Variants in CMYA5 observed in about 807,000 individuals in gnomAD.
CMYA5 encodes the protein cardiomyopathy-associated protein 5.
Under a neutral mutation model 318.9 loss-of-function variants are expected in CMYA5, and 246 were observed. That is an observed-to-expected ratio of 0.77 (90% CI 0.70 to 0.86). The LOEUF (loss-of-function observed/expected upper bound fraction) is 0.86. Among genes scored for constraint, CMYA5 ranks in the 40% least tolerant of loss-of-function variants. The pLI is 0.00. For synonymous variants in CMYA5, 1,641 were observed against 1,729.5 expected, an observed-to-expected ratio of 0.95 and a Z score of 1.27; for missense variants, 4,589 against 4,678.2, an observed-to-expected ratio of 0.98 and a Z score of 0.56.
At chr5:79,749,386 T>C (rs777201326) in intron 5 of CMYA5, among the ~76,000 whole-genome samples, 1 of 152,258 alleles carries the variant, frequency 6.6e-6, no homozygotes, top group Non-Finnish European at 1.5e-5. Context: ...CTCAATGTTA[T>C]TGATGTTCCT....
At chr5:79,718,897 C>T (rs1205739405) in intron 1 of CMYA5, among the ~76,000 whole-genome samples, 4 of 152,136 alleles carry the variant, frequency 2.6e-5, no homozygotes, top group Non-Finnish European at 4.4e-5. Context: ...AGCCTAGGAG[C>T]AATAGGCTAT....
chr5:79,739,181 A>G lies in CMYA5; in HGVS notation c.10416A>G (p.Gln3472=). 1 of 1,613,606 alleles carries G rather than the reference A, an allele frequency of 6.2e-7. No homozygotes were observed. ...ATGAATTTGCGAGTGAGGCAGAACA[A>G]AGTACACCTGCTGAACAAAAAGAGT... ...SENEFASEAE[Q]STPAEQKELG... The change falls in exon 2 of 13, where the codon CAA becomes CAG. Residue 3472 remains glutamine, a synonymous_variant. Transcript: ENST00000446378.
rs1171466191 is a variant in CMYA5, at chr5:79,761,954, A to G, written c.11404A>G (p.Thr3802Ala). The change falls in exon 8 of 13, where the codon ACA becomes GCA. Residue 3802 changes from threonine (T) to alanine (A), a missense_variant. By Grantham distance (58) the Thr-to-Ala change is moderately conservative. Coordinates refer to ENST00000446378, the MANE Select transcript of CMYA5 (RefSeq NM_153610.5). The stretch of plus-strand genomic sequence containing the variant: ...GCCCAGTGAAAGGGCCATCTTTAGG[A>G]CAGGTAAGGAGATGGATGCTAAGGG... The part of the protein sequence containing the change: ...SLPSERAIFR[T>A]APSTPVIRAE... 2 of 1,612,520 alleles carry G rather than the reference A, an allele frequency of 1.2e-6. No homozygotes were observed. Among genetic ancestry groups the G allele is most frequent in the South Asian group, 1.1e-5 (1 of 90,622 alleles).
At chr5:79,695,258 T>A (rs1275673135) in intron 1 of CMYA5, among the ~76,000 whole-genome samples, 1 of 152,204 alleles carries the variant, frequency 6.6e-6, no homozygotes, top group African/African-American at 2.4e-5. Flanking sequence ...TAGCCCAGCA[T>A]TATCCTATAG....
intron 10 of CMYA5, 58 bp from the exon 11 acceptor site, chr5:79,790,912 T>G: frequency 8.6e-7 from 1 of 1,164,282 alleles, no homozygotes; most frequent in Non-Finnish European, 1.3e-6. Context: ...GGGCTTAGCC[T>G]AGGGACAGCA....
rs1016464493 is a variant in CMYA5 at position 79,713,200 on chromosome 5, A to G, written c.150-15715A>G. Among the ~76,000 whole-genome samples, 14 of 152,192 alleles carry G rather than the reference A, an allele frequency of 9.2e-5. No individual in the cohort carries two copies. In the East Asian group the frequency reaches 2.5e-3, roughly 27 times the overall value. ...TCTGAAGACATTTTTTATTGTCACA[A>G]CCTGGGATGGGGTACTAATGGCATC... On this transcript the variant is annotated intron_variant, in intron 1 of 12. Transcript: ENST00000446378.
Position 79,745,266 on chromosome 5 carries a change from G to A in CMYA5, c.10779G>A (p.Glu3593=), listed in dbSNP as rs1301400801. The change falls in exon 4 of 13, where the codon GAG becomes GAA. Residue 3593 remains glutamate, a synonymous_variant. Coordinates refer to ENST00000446378, the MANE Select transcript of CMYA5 (RefSeq NM_153610.5). ...AGAAAAGGCTAGAAGAACAGAATGA[G>A]GAAATGATGAAGAAGGTTTTAGCAC... The part of the protein sequence containing the change: ...KNEKRLEEQN[E]EMMKKVLAQY... 2.5e-6 allele frequency: 4 copies of A among 1,608,346 alleles called. No homozygotes were observed. The highest frequency in any genetic ancestry group is 1.7e-6 in the Non-Finnish European group (2 of 1,177,014).
At chr5:79,747,241 C>G (rs1828347523) in intron 5 of CMYA5, 128 bp downstream of exon 5, 3 of 765,412 alleles carry the variant, frequency 3.9e-6, no homozygotes, top group Non-Finnish European at 5.9e-6. Context: ...AGTATTTTCA[C>G]TTTTAGACAC....
Position 79,732,728 on chromosome 5 carries a change from A to G in CMYA5, c.3963A>G (p.Ser1321=). The part of the protein sequence containing the change: ...TTPIVLHSAS[S]GVEKQVEHGP... The stretch of plus-strand genomic sequence containing the variant: ...CTATAGTGCTTCATTCAGCTTCCTC[A>G]GGAGTGGAAAAGCAAGTTGAACATG... Residue 1321 remains serine, a synonymous_variant, in exon 2 of 13, where the codon TCA becomes TCG. Transcript: ENST00000446378. 6.2e-7 allele frequency: 1 copy of G among 1,613,706 alleles called. No homozygotes were observed. The highest frequency in any genetic ancestry group is 8.5e-7 in the Non-Finnish European group (1 of 1,179,792).
intron 1 of CMYA5, among the ~76,000 whole-genome samples, chr5:79,693,565 C>G (rs1162086268): frequency 6.6e-6 from 1 of 152,116 alleles, no homozygotes; most frequent in African/African-American, 2.4e-5. Flanking sequence ...TGGTCTTGAA[C>G]TCCTTGGCCC....
At chr5:79,713,962 G>C (rs1827463179) in intron 1 of CMYA5, among the ~76,000 whole-genome samples, 1 of 151,986 alleles carries the variant, frequency 6.6e-6, no homozygotes, top group South Asian at 2.1e-4. Flanking sequence ...AAGTTATCTT[G>C]GCTGTTAATA....
chr5:79,775,581 C>CT (rs1028347640), intron 9 of CMYA5, among the ~76,000 whole-genome samples: 12 of 152,186 alleles, frequency 7.9e-5, no homozygotes, highest in African/African-American at 2.4e-4. Flanking sequence ...TAACTCATCT[C>CT]TTTTTTTAAA....
intron 3 of CMYA5, among the ~76,000 whole-genome samples, chr5:79,744,467 T>A (rs1255473247): frequency 1.3e-5 from 2 of 152,106 alleles, no homozygotes; most frequent in East Asian, 3.9e-4. Context: ...GCTCCATCCT[T>A]ATACAGAGAT....
At chr5:79,726,998 C>G (rs1265314736) in intron 1 of CMYA5, among the ~76,000 whole-genome samples, 1 of 147,742 alleles carries the variant, frequency 6.8e-6, no homozygotes, top group Non-Finnish European at 1.5e-5. Context: ...TCACTGCAAC[C>G]TCCGCCTCCT....
chr5:79,797,794 A>G (rs1411126700), intron 12 of CMYA5, among the ~76,000 whole-genome samples: 1 of 152,144 alleles, frequency 6.6e-6, no homozygotes, highest in Non-Finnish European at 1.5e-5. Flanking sequence ...GTCCAAACCC[A>G]AGAGGCCAAT....
rs1462624471 is a variant in CMYA5 at position 79,689,853 on chromosome 5, C to T, written c.-55C>T. 3.1e-6 allele frequency: 2 copies of T among 635,990 alleles called. No individual in the cohort carries two copies. The highest frequency in any genetic ancestry group is 3.9e-5 in the African/African-American group (2 of 51,498). The allele number at this position is 635,990 out of a possible 1,614,324, so 39.4% of individuals were successfully genotyped here. A position where few individuals can be genotyped will look rare whatever the true frequency, so the allele number is the denominator to read the frequency against. On this transcript the variant is annotated 5_prime_UTR_variant, in exon 1 of 13. Coordinates refer to ENST00000446378, the MANE Select transcript of CMYA5 (RefSeq NM_153610.5). ...GCCAGAGCAGTCGGAGGGAGAACAC[C>T]AGGCGCGGCGCGGGCGGCTCCGGCT...
chr5:79,693,131 A>G (rs1350573785), intron 1 of CMYA5, among the ~76,000 whole-genome samples: 1 of 152,182 alleles, frequency 6.6e-6, no homozygotes, highest in Non-Finnish European at 1.5e-5. Flanking sequence ...TTTGAATCAT[A>G]ATAAAATGCC....
Position 79,729,763 on chromosome 5 carries a change from A to T in CMYA5, c.998A>T (p.Asn333Ile), listed in dbSNP as rs1399981650. 6.2e-7 allele frequency: 1 copy of T among 1,613,966 alleles called. No homozygotes were observed. The highest frequency in any genetic ancestry group is 8.5e-7 in the Non-Finnish European group (1 of 1,179,884). The change falls in exon 2 of 13, where the codon AAT becomes ATT. Residue 333 changes from asparagine to isoleucine, a missense_variant. Coordinates refer to ENST00000446378, the MANE Select transcript of CMYA5 (RefSeq NM_153610.5). ...AAAATTTATGCTGATTCTCCCCTAAATGCCACATCTGCATTGGAGCACACA... is the reference window on the plus strand; with the variant it reads ...AAAATTTATGCTGATTCTCCCCTAATTGCCACATCTGCATTGGAGCACACA... ...QKKIYADSPL[N>I]ATSALEHTVP... is the part of the protein sequence containing the mutation.
chr5:79,697,631 A>T (rs1312389449), intron 1 of CMYA5, among the ~76,000 whole-genome samples: 1 of 152,242 alleles, frequency 6.6e-6, no homozygotes, highest in Non-Finnish European at 1.5e-5. Context: ...AATTTCAGAC[A>T]GCTGGTAAGT....
Sources: gnomAD v4.1 joint callset for allele counts (sites outside exome capture counted in the v4.1 genomes callset) on GRCh38, gnomAD v4.1.1 for gene constraint, MANE v1.5 for transcripts, NCBI Gene and HGNC (gene_info 2026-07-23, HGNC 2026-07-21) for gene names.